GPC5: variants seen among roughly 807,000 people sequenced by gnomAD.
GPC5 encodes the protein glypican-5.
GPC5 carries 47 observed loss-of-function variants against 53.9 expected under a neutral mutation model. The observed-to-expected ratio is 0.87, with a 90% confidence interval of 0.69 to 1.11. The LOEUF (loss-of-function observed/expected upper bound fraction) is 1.11, where lower values mean the gene tolerates loss of function less well. Ranked by LOEUF, GPC5 falls within the 50% of genes most tolerant of loss-of-function variation. The pLI is 0.00. For synonymous variants in GPC5, 286 were observed against 263.3 expected, an observed-to-expected ratio of 1.09 and a Z score of -0.84; for missense variants, 748 against 713.1, an observed-to-expected ratio of 1.05 and a Z score of -0.56.
chr13:91,589,876 C>G (rs2032732610), intron 2 of GPC5, among the ~76,000 whole-genome samples: 1 of 152,054 alleles, frequency 6.6e-6, no homozygotes, highest in Non-Finnish European at 1.5e-5. Context: ...CTCTTCCTTG[C>G]TAAATTTTTA....
At chr13:92,091,349 G>A (rs974899348) in intron 6 of GPC5, among the ~76,000 whole-genome samples, 17 of 151,944 alleles carry the variant, frequency 1.1e-4, no homozygotes, top group Admixed American at 9.8e-4. Flanking sequence ...TCTTTTAAAA[G>A]TTCATCATTT....
At chr13:91,942,974 C>T (rs902178234) in intron 6 of GPC5, among the ~76,000 whole-genome samples, 1 of 152,036 alleles carries the variant, frequency 6.6e-6, no homozygotes, top group South Asian at 2.1e-4. Context: ...ATAATTATAT[C>T]ATTCATTAAT....
chr13:91,648,751 T>C (rs1267015251), intron 2 of GPC5, among the ~76,000 whole-genome samples: 1 of 152,120 alleles, frequency 6.6e-6, no homozygotes, highest in East Asian at 1.9e-4. Flanking sequence ...CCATTGATTT[T>C]CTCATAAATT....
Position 91,693,639 on chromosome 13 carries a change from C to T in GPC5, c.778C>T (p.His260Tyr). 4 of 1,614,096 alleles carry T rather than the reference C, an allele frequency of 2.5e-6. No homozygotes were observed. The highest frequency in any genetic ancestry group is 1.1e-5 in the South Asian group (1 of 91,076). The change falls in exon 3 of 8, where the codon CAC becomes TAC. Residue 260 changes from histidine to tyrosine, a missense_variant. His to Tyr is a moderately conservative substitution (Grantham distance 83, BLOSUM62 2). Coordinates refer to ENST00000377067, the MANE Select transcript of GPC5 (RefSeq NM_004466.6). Reference protein sequence around the residue: ...RALLKMQYCPHCQGLALTKPC... With the variant: ...RALLKMQYCPYCQGLALTKPC... ...CCTCCTGAAGATGCAATACTGCCCG[C>T]ACTGCCAAGGCCTGGCGCTCACTAA... is the stretch of plus-strand genomic sequence containing the variant.
chr13:91,535,522 A>T (rs886565252), intron 2 of GPC5, among the ~76,000 whole-genome samples: 2 of 152,194 alleles, frequency 1.3e-5, no homozygotes. Context: ...ACATTTGTTC[A>T]TTTATTTATT....
intron 5 of GPC5, among the ~76,000 whole-genome samples, chr13:91,821,664 T>C (rs2038497625): frequency 6.6e-6 from 1 of 152,162 alleles, no homozygotes; most frequent in Non-Finnish European, 1.5e-5. Flanking sequence ...AATTTTATCA[T>C]ATGGATTTTC....
Position 92,144,878 on chromosome 13 carries a change from C to G in GPC5, c.1450C>G (p.Leu484Val). The G allele has an allele frequency of 6.2e-7, 1 of 1,611,588 alleles. No individual in the cohort carries two copies. The highest frequency in any genetic ancestry group is 8.5e-7 in the Non-Finnish European group (1 of 1,178,896). ...PKPDKWELLQ[L>V]GSGGGMVEQV... ...ACCTGACAAGTGGGAACTTCTTCAG[C>G]TGGGCAGTGGTGGAGGCATGGTTGA... Residue 484 changes from leucine to valine, a missense_variant, in exon 7 of 8, where the codon CTG (leucine) becomes GTG (valine). By Grantham distance (32) the Leu-to-Val change is conservative (BLOSUM62 1). Coordinates refer to ENST00000377067, the MANE Select transcript of GPC5 (RefSeq NM_004466.6).
At chr13:92,044,365 T>C (rs1038961079) in intron 6 of GPC5, among the ~76,000 whole-genome samples, 3 of 152,198 alleles carry the variant, frequency 2.0e-5, no homozygotes, top group Non-Finnish European at 4.4e-5. Flanking sequence ...AGCCCTGTAC[T>C]GAGCAGAACT....
intron 6 of GPC5, among the ~76,000 whole-genome samples, chr13:92,026,525 G>T (rs550531892): frequency 4.7e-5 from 7 of 149,916 alleles, no homozygotes; most frequent in Non-Finnish European, 5.9e-5. Context: ...CATAGAACTT[G>T]CAGGATCTGA....
At chr13:92,859,939 T>C (rs975457044) in intron 7 of GPC5, among the ~76,000 whole-genome samples, 1 of 152,130 alleles carries the variant, frequency 6.6e-6, no homozygotes, top group African/African-American at 2.4e-5. Flanking sequence ...ATCTAAACAA[T>C]ATTCCCTTCA....
At chr13:92,515,160 C>CT (rs1880722408) in intron 7 of GPC5, among the ~76,000 whole-genome samples, 2 of 152,154 alleles carry the variant, frequency 1.3e-5, no homozygotes, top group Non-Finnish European at 2.9e-5. Context: ...TTTTAATTCA[C>CT]TAAAACTCAT....
intron 7 of GPC5, among the ~76,000 whole-genome samples, chr13:92,441,577 C>A (rs2139386443): frequency 6.6e-6 from 1 of 152,218 alleles, no homozygotes; most frequent in East Asian, 1.9e-4. Context: ...AGTGCAATCC[C>A]AGTTACAATA....
intron 7 of GPC5, among the ~76,000 whole-genome samples, chr13:92,378,894 G>C (rs1284578772): frequency 6.6e-6 from 1 of 152,052 alleles, no homozygotes; most frequent in Non-Finnish European, 1.5e-5. Context: ...CTTGATGAAG[G>C]GCTCTAACTT....
chr13:92,738,888 G>A (rs1889013193), intron 7 of GPC5, among the ~76,000 whole-genome samples: 1 of 152,158 alleles, frequency 6.6e-6, no homozygotes, highest in African/African-American at 2.4e-5. Context: ...GCATCCAAAA[G>A]TAATGTTTAG....
chr13:92,664,953 A>C (rs1367873489), intron 7 of GPC5, among the ~76,000 whole-genome samples: 1 of 152,208 alleles, frequency 6.6e-6, no homozygotes, highest in Non-Finnish European at 1.5e-5. Flanking sequence ...TCCATGGAAT[A>C]TTATGCAGAT....
intron 7 of GPC5, among the ~76,000 whole-genome samples, chr13:92,265,682 C>CT (rs1396870889): frequency 6.6e-6 from 1 of 152,154 alleles, no homozygotes; most frequent in African/African-American, 2.4e-5. Context: ...TCTCCAAGCC[C>CT]TTTCAGTCTC....
intron 6 of GPC5, among the ~76,000 whole-genome samples, chr13:91,960,528 C>T (rs532608606): frequency 3.9e-5 from 6 of 151,932 alleles, no homozygotes; most frequent in African/African-American, 1.4e-4. Flanking sequence ...TATAAAAAGA[C>T]CAATTTCATT....
chr13:91,740,537 C>T (rs560178626), intron 4 of GPC5, among the ~76,000 whole-genome samples: 11 of 152,040 alleles, frequency 7.2e-5, no homozygotes, highest in Non-Finnish European at 1.5e-4. Context: ...ATTTTGGAGA[C>T]GTAATTGTCC....
intron 6 of GPC5, among the ~76,000 whole-genome samples, chr13:92,022,619 A>G (rs1468152913): frequency 3.3e-5 from 5 of 152,018 alleles, no homozygotes; most frequent in Non-Finnish European, 7.4e-5. Context: ...ATAAAATATT[A>G]GGACCTGTAG....
Sources: gnomAD v4.1 joint callset for allele counts (sites outside exome capture counted in the v4.1 genomes callset) on GRCh38, gnomAD v4.1.1 for gene constraint, MANE v1.5 for transcripts, NCBI Gene and HGNC (gene_info 2026-07-23, HGNC 2026-07-21) for gene names.